The following RASGRF1 variants were observed in gnomAD, a reference collection of about 807,000 sequenced individuals.
The protein encoded by RASGRF1 is Ras protein specific guanine nucleotide releasing factor 1.
A neutral mutation model predicts 138.7 loss-of-function variants in RASGRF1; 40 were observed. The ratio of observed to expected loss-of-function variants is 0.29; its 90% CI spans 0.22 to 0.38. The LOEUF is 0.38. Ranked by LOEUF, RASGRF1 falls within the 10% of genes least tolerant of loss-of-function variation. The pLI is 1.00. For synonymous variants in RASGRF1, 614 were observed against 663.2 expected (o/e 0.93, Z 1.14); for missense variants, 1,108 against 1,650.4 (o/e 0.67, Z 5.69).
rs746584711 is a variant in RASGRF1 at position 79,003,892 on chromosome 15, A to C, written c.2359T>G (p.Tyr787Asp). ...TTGTTGGTGAAGCTGCTGGACACATAGAGCTTGCTGGTGTCCAGCGTGGCC... is the reference window on the plus strand; with the variant it reads ...TTGTTGGTGAAGCTGCTGGACACATCGAGCTTGCTGGTGTCCAGCGTGGCC... ...SKATLDTSKL[Y>D]VSSSFTNKIP... Residue 787 changes from tyrosine to aspartate, a missense_variant, in exon 15 of 27, where the codon TAT becomes GAT. By Grantham distance (160) the Tyr-to-Asp change is radical. Coordinates refer to ENST00000558480, the MANE Select transcript of RASGRF1 (RefSeq NM_001145648.3). 6.2e-7 allele frequency: 1 copy of C among 1,614,126 alleles called. No homozygotes were observed. Among genetic ancestry groups the C allele is most frequent in the South Asian group, 1.1e-5 (1 of 91,078 alleles).
At chr15:78,979,334 T>G in intron 24 of RASGRF1, 1 of 542,924 alleles carries the variant, frequency 1.8e-6, no homozygotes, top group Admixed American at 3.9e-5. Flanking sequence ...GTGAGCAGTC[T>G]GTCAAAGCCA....
intron 23 of RASGRF1, 78 bp downstream of exon 23, chr15:78,984,929 G>C (rs958145448): frequency 7.4e-6 from 11 of 1,488,296 alleles, no homozygotes; most frequent in Non-Finnish European, 1.0e-5. Context: ...TGGATGCCCA[G>C]TGGCCAGCCC....
chr15:79,075,284 C>T (rs559585456), intron 1 of RASGRF1, among the ~76,000 whole-genome samples: 23 of 152,228 alleles, frequency 1.5e-4, no homozygotes, highest in Non-Finnish European at 2.8e-4. Flanking sequence ...TGTGCCAGGA[C>T]TAGACTCACA....
intron 5 of RASGRF1, among the ~76,000 whole-genome samples, chr15:79,044,924 G>T (rs1282150920): frequency 6.6e-6 from 1 of 152,116 alleles, no homozygotes; most frequent in African/African-American, 2.4e-5. Flanking sequence ...CAGGTCAAAA[G>T]AATTCTATTT....
chr15:78,976,767 A>G (rs915352184), intron 24 of RASGRF1, among the ~76,000 whole-genome samples: 2 of 152,226 alleles, frequency 1.3e-5, no homozygotes, highest in African/African-American at 4.8e-5. Flanking sequence ...GCAAGTCCTG[A>G]ACCTTCCATA....
chr15:79,026,351 T>C (rs1233557559), intron 9 of RASGRF1, among the ~76,000 whole-genome samples: 2 of 152,102 alleles, frequency 1.3e-5, no homozygotes, highest in Non-Finnish European at 2.9e-5. Context: ...TCCCTGTGAA[T>C]TCCTGCTTAT....
intron 11 of RASGRF1, among the ~76,000 whole-genome samples, chr15:79,018,179 A>G (rs988421842): frequency 6.6e-6 from 1 of 152,234 alleles, no homozygotes; most frequent in South Asian, 2.1e-4. Context: ...CTCTGCCCTC[A>G]TTACACCAAT....
intron 19 of RASGRF1, among the ~76,000 whole-genome samples, chr15:78,996,707 G>A (rs1032431774): frequency 1.4e-5 from 2 of 142,306 alleles, no homozygotes; most frequent in Admixed American, 7.2e-5. Flanking sequence ...CTCCTGGGAG[G>A]ACCACGAGTG....
In RASGRF1 at chr15:79,060,749, A is replaced by G. The variant is rs557821021; in HGVS notation, c.384-2268T>C. Among the ~76,000 whole-genome samples the G allele has an allele frequency of 6.6e-5, 10 of 152,338 alleles. No individual in the cohort carries two copies. In the South Asian group the frequency reaches 1.4e-3, roughly 22 times the overall value. On this transcript the variant is annotated intron_variant, in intron 2 of 26. Coordinates refer to ENST00000558480, the MANE Select transcript of RASGRF1 (RefSeq NM_001145648.3). The stretch of plus-strand genomic sequence containing the variant: ...GACAGGCTTGGCAACATTGATGTCA[A>G]TTGGATTATTATTATTTTATTGGCT...
In RASGRF1 at chr15:79,064,403, T is replaced by C. The variant is rs2057648635; in HGVS notation, c.383+17A>G. ...ACTGTGGAGTAGGGGCTTCCTGCCC[T>C]GGGCAAGGAGACATACCTGGCATGT... On this transcript the variant is annotated intron_variant, in intron 2 of 26. Coordinates refer to ENST00000558480, the MANE Select transcript of RASGRF1 (RefSeq NM_001145648.3). The C allele has an allele frequency of 1.9e-6, 3 of 1,609,898 alleles. No homozygotes were observed. Among genetic ancestry groups the C allele is most frequent in the Non-Finnish European group, 2.6e-6 (3 of 1,176,290 alleles).
chr15:79,025,180 A>T (rs925278221), intron 10 of RASGRF1, 134 bp downstream of exon 10: 64 of 1,000,512 alleles, frequency 6.4e-5, no homozygotes, highest in South Asian at 1.2e-4. Flanking sequence ...GGTTGTGTGT[A>T]TATCTGTGTG....
intron 14 of RASGRF1, chr15:79,005,588 A>G (rs2056652661): frequency 5.1e-6 from 5 of 986,238 alleles, no homozygotes; most frequent in South Asian, 4.7e-5. Flanking sequence ...TCATTGCCCC[A>G]TGACTTTTGA....
chr15:79,043,436 C>T (rs2057321206), intron 5 of RASGRF1, among the ~76,000 whole-genome samples: 1 of 152,138 alleles, frequency 6.6e-6, no homozygotes. Context: ...CTGGGCTACG[C>T]TGGGCTCTGT....
intron 1 of RASGRF1, among the ~76,000 whole-genome samples, chr15:79,065,381 G>A (rs1253830959): frequency 2.6e-5 from 4 of 152,132 alleles, no homozygotes; most frequent in Non-Finnish European, 5.9e-5. Flanking sequence ...TTTGGGAGGG[G>A]GAGGGGGCTG....
chr15:78,988,667 T>C (rs1001748303), intron 22 of RASGRF1, among the ~76,000 whole-genome samples: 2 of 152,150 alleles, frequency 1.3e-5, no homozygotes, highest in Admixed American at 1.3e-4. Flanking sequence ...TGGAATCATG[T>C]GCTCCCACCA....
rs574744668 is a variant in RASGRF1 at position 79,013,437 on chromosome 15, A to T, written c.1826+1890T>A. 2.2e-4 allele frequency among the ~76,000 whole-genome samples: 33 copies of T among 152,312 alleles called. 1 individual carries two copies. The South Asian group carries it at 6.6e-3, about 31-fold the overall frequency. On this transcript the variant is annotated intron_variant, in intron 13 of 26. Coordinates refer to ENST00000558480, the MANE Select transcript of RASGRF1 (RefSeq NM_001145648.3). ...CTGGCACACAGTAGGTTCATAAAGG[A>T]CTCACTTCATCAGACTTGACTTCAG... is the stretch of plus-strand genomic sequence containing the variant.
intron 22 of RASGRF1, chr15:78,985,824 C>T: frequency 6.8e-6 from 1 of 147,188 alleles, no homozygotes; most frequent in Non-Finnish European, 1.5e-5. Flanking sequence ...ACTTGAAAAA[C>T]TGAGGCAGGA....
At chr15:78,990,474 C>G (rs2056246338) in intron 21 of RASGRF1, among the ~76,000 whole-genome samples, 2 of 152,204 alleles carry the variant, frequency 1.3e-5, no homozygotes, top group Non-Finnish European at 2.9e-5. Flanking sequence ...CCCAGACAAA[C>G]CCTTTATAGC....
chr15:79,044,521 G>A (rs1277365387), intron 5 of RASGRF1, among the ~76,000 whole-genome samples: 1 of 152,208 alleles, frequency 6.6e-6, no homozygotes, highest in African/African-American at 2.4e-5. Context: ...GTGAGTGGAT[G>A]AGTGTCCTTG....
Sources: allele counts gnomAD v4.1 joint callset (sites outside exome capture counted in the v4.1 genomes callset), GRCh38; gene constraint gnomAD v4.1.1; transcripts MANE v1.5; gene names NCBI Gene and HGNC (gene_info 2026-07-23, HGNC 2026-07-21).